The following ARHGAP15 variants were observed in gnomAD, a reference collection of about 807,000 sequenced individuals.
The protein encoded by ARHGAP15 is rho GTPase-activating protein 15.
ARHGAP15 carries 51 observed loss-of-function variants against 63.7 expected under a neutral mutation model. The observed-to-expected ratio is 0.80, with a 90% CI of 0.64 to 1.01. The LOEUF (loss-of-function observed/expected upper bound fraction) is 1.01. Among genes scored for constraint, ARHGAP15 ranks in the 50% least tolerant of loss-of-function variants. ARHGAP15 has a pLI of 0.00. For synonymous variants in ARHGAP15, 191 were observed against 193.8 expected (o/e 0.99, Z 0.12); for missense variants, 560 against 564.6 (o/e 0.99, Z 0.08).
intron 1 of ARHGAP15, among the ~76,000 whole-genome samples, chr2:143,147,889 C>T (rs1191610628): frequency 6.6e-6 from 1 of 151,982 alleles, no homozygotes; most frequent in African/African-American, 2.4e-5. Flanking sequence ...AAGCATCCCA[C>T]GAGCATGTTA....
At chr2:143,325,427 GGAT>G (rs947002670) in intron 6 of ARHGAP15, among the ~76,000 whole-genome samples, 48 of 152,014 alleles carry the variant, frequency 3.2e-4, no homozygotes, top group African/African-American at 1.1e-3. Flanking sequence ...TCCTGTCACA[GGAT>G]GATGATGATA....
intron 3 of ARHGAP15, among the ~76,000 whole-genome samples, chr2:143,204,756 T>C (rs1692259142): frequency 6.6e-6 from 1 of 151,990 alleles, no homozygotes; most frequent in South Asian, 2.1e-4. Flanking sequence ...TCTTCTCCTG[T>C]CTCCTTCTGC....
At chr2:143,202,274 A>G in intron 3 of ARHGAP15, 72 bp downstream of exon 3, 1 of 1,230,286 alleles carries the variant, frequency 8.1e-7, no homozygotes, top group Non-Finnish European at 1.2e-6. Context: ...AGCAACTTAG[A>G]ACAGCTTAAG....
Position 143,768,016 on chromosome 2 carries a change from C to G in ARHGAP15, c.1272C>G (p.Leu424=). The change falls in exon 14 of 14, where the codon CTC becomes CTG. Residue 424 remains leucine (L), a synonymous_variant. Transcript: ENST00000295095. ...TAGTGGCCAAAGCCTCCAAGAACCT[C>G]ATGTCCACGCAAAGCTTGGGGATTG... ...TKIVAKASKN[L]MSTQSLGIVF... is the part of the protein sequence containing the mutation. The G allele has an allele frequency of 6.2e-7, 1 of 1,613,636 alleles. No individual in the cohort carries two copies. Among genetic ancestry groups the G allele is most frequent in the Non-Finnish European group, 8.5e-7 (1 of 1,179,702 alleles).
chr2:143,377,343 G>A (rs982798267), intron 6 of ARHGAP15, among the ~76,000 whole-genome samples: 7 of 151,722 alleles, frequency 4.6e-5, no homozygotes, highest in Admixed American at 2.0e-4. Flanking sequence ...ATAAAAAATT[G>A]CTAGCACATT....
chr2:143,439,235 C>A (rs202064958), intron 8 of ARHGAP15, among the ~76,000 whole-genome samples: 1 of 148,154 alleles, frequency 6.7e-6, no homozygotes. Context: ...CCATCCTGGC[C>A]AACATGGTGA....
chr2:143,499,897 C>T (rs933467597), intron 9 of ARHGAP15, among the ~76,000 whole-genome samples: 3 of 151,920 alleles, frequency 2.0e-5, no homozygotes, highest in Admixed American at 6.6e-5. Flanking sequence ...ACTTTCTTGT[C>T]GCATGGAGAA....
At chr2:143,183,723 T>TC in intron 2 of ARHGAP15, among the ~76,000 whole-genome samples, 1 of 64,398 alleles carries the variant, frequency 1.6e-5, no homozygotes, top group East Asian at 7.5e-4. Flanking sequence ...TTTTCTTTTC[T>TC]TTTTTTTTTT....
chr2:143,203,417 C>T (rs543287365), intron 3 of ARHGAP15, among the ~76,000 whole-genome samples: 28 of 152,218 alleles, frequency 1.8e-4, no homozygotes, highest in Admixed American at 1.8e-3. Context: ...TGATTGCCTC[C>T]ATGTTGTTAA....
chr2:143,413,966 T>TGTGTGTGCGCGCGCGCGCGCGC, intron 6 of ARHGAP15, among the ~76,000 whole-genome samples: 156 of 117,902 alleles, frequency 1.3e-3, no homozygotes, highest in South Asian at 7.1e-3. Flanking sequence ...TGTGTGTGTG[T>TGTGTGTGCGCGCGCGCGCGCGC]GCGCGCTCTC....
chr2:143,477,940 A>C (rs1691900609), intron 8 of ARHGAP15, among the ~76,000 whole-genome samples: 1 of 152,224 alleles, frequency 6.6e-6, no homozygotes, highest in African/African-American at 2.4e-5. Context: ...TTGCAGAAGT[A>C]AATGTATTCA....
intron 1 of ARHGAP15, among the ~76,000 whole-genome samples, chr2:143,151,899 C>T (rs1689838361): frequency 6.6e-6 from 1 of 151,934 alleles, no homozygotes; most frequent in Admixed American, 6.6e-5. Flanking sequence ...GTACAGCAGT[C>T]ACAGGTCCCA....
At chr2:143,414,442 A>G (rs1238144650) in intron 6 of ARHGAP15, among the ~76,000 whole-genome samples, 2 of 152,136 alleles carry the variant, frequency 1.3e-5, no homozygotes, top group African/African-American at 4.8e-5. Context: ...GAAAACATAG[A>G]TAATATTAAT....
At chr2:143,389,212 G>T (rs780487730) in intron 6 of ARHGAP15, among the ~76,000 whole-genome samples, 38 of 151,582 alleles carry the variant, frequency 2.5e-4, no homozygotes, top group Non-Finnish European at 4.7e-4. Context: ...GGTGTATCTG[G>T]TGAATTTACT....
Position 143,562,299 on chromosome 2 carries a change from C to G in ARHGAP15, c.1003+5814C>G, listed in dbSNP as rs528768576. Among the ~76,000 whole-genome samples, 6 of 152,226 alleles carry G rather than the reference C, an allele frequency of 3.9e-5. No individual in the cohort carries two copies. In the East Asian group the frequency reaches 7.7e-4, roughly 20 times the overall value. On this transcript the variant is annotated intron_variant, in intron 11 of 13. Transcript: ENST00000295095. ...AGTGAGAAAGAATGTGAACAATTGG[C>G]AGTTTCATCATGAAATAAGCAATTG...
chr2:143,551,974 C>G (rs1695587027), intron 10 of ARHGAP15, among the ~76,000 whole-genome samples: 1 of 152,166 alleles, frequency 6.6e-6, no homozygotes, highest in African/African-American at 2.4e-5. Flanking sequence ...GCTCAGAACC[C>G]AAGTAGAAAT....
intron 13 of ARHGAP15, among the ~76,000 whole-genome samples, chr2:143,705,328 C>A (rs894044097): frequency 1.3e-5 from 2 of 152,062 alleles, no homozygotes; most frequent in Non-Finnish European, 2.9e-5. Context: ...GGTGAGAAAT[C>A]CAATGTGGTT....
At chr2:143,478,645 G>A (rs1691933420) in intron 8 of ARHGAP15, among the ~76,000 whole-genome samples, 2 of 152,144 alleles carry the variant, frequency 1.3e-5, no homozygotes, top group South Asian at 2.1e-4. Flanking sequence ...GATTAAATGA[G>A]ATCAATGTGC....
At chr2:143,248,366 G>A (rs528161673) in intron 5 of ARHGAP15, among the ~76,000 whole-genome samples, 1 of 152,196 alleles carries the variant, frequency 6.6e-6, no homozygotes, top group Non-Finnish European at 1.5e-5. Flanking sequence ...ACAAAAACAA[G>A]ATGAATATGT....
Sources: allele counts gnomAD v4.1 joint callset (sites outside exome capture counted in the v4.1 genomes callset), GRCh38; gene constraint gnomAD v4.1.1; transcripts MANE v1.5; gene names NCBI Gene and HGNC (gene_info 2026-07-23, HGNC 2026-07-21).